SNX6: variants seen among roughly 807,000 people sequenced by gnomAD.
SNX6 encodes the protein sorting nexin 6.
In SNX6, 34 loss-of-function variants were observed where a neutral mutation model predicts 63.0. The ratio of observed to expected loss-of-function variants is 0.54; its 90% CI spans 0.41 to 0.72. SNX6 has a LOEUF of 0.72. Ranked by LOEUF, SNX6 falls within the 30% of genes least tolerant of loss-of-function variation. The pLI is 0.00. For missense variants in SNX6, 398 were observed against 471.4 expected, an observed-to-expected ratio of 0.84 and a Z score of 1.44; for synonymous variants, 170 against 164.2, an observed-to-expected ratio of 1.04 and a Z score of -0.27.
At chr14:34,581,869 C>T (rs528432668) in intron 9 of SNX6, among the ~76,000 whole-genome samples, 20 of 152,098 alleles carry the variant, frequency 1.3e-4, no homozygotes, top group African/African-American at 4.1e-4. Flanking sequence ...ACGCTTGTTG[C>T]GCAGAACGGA....
intron 5 of SNX6, 101 bp from the exon 6 acceptor site, chr14:34,603,572 C>A: frequency 1.1e-6 from 1 of 950,680 alleles, no homozygotes; most frequent in South Asian, 2.3e-5. Flanking sequence ...ATTCCGAATG[C>A]AAATCAGAGA....
chr14:34,611,700 A>C (rs1174856698), intron 2 of SNX6, among the ~76,000 whole-genome samples: 1 of 146,702 alleles, frequency 6.8e-6, no homozygotes, highest in Non-Finnish European at 1.5e-5. Context: ...CGCTGAGCAG[A>C]GATTGTGCCA....
At chr14:34,564,555 C>T (rs1881083511) in intron 13 of SNX6, among the ~76,000 whole-genome samples, 1 of 151,776 alleles carries the variant, frequency 6.6e-6, no homozygotes, top group Non-Finnish European at 1.5e-5. Context: ...TGGCCAGGCG[C>T]GGTGGTTCAC....
chr14:34,566,669 C>T (rs1056908368), intron 13 of SNX6, among the ~76,000 whole-genome samples: 1 of 152,046 alleles, frequency 6.6e-6, no homozygotes, highest in Non-Finnish European at 1.5e-5. Flanking sequence ...CTTTAAAATC[C>T]CTCTCAATTC....
chr14:34,615,843 T>C (rs1470913477), intron 2 of SNX6, among the ~76,000 whole-genome samples: 1 of 152,166 alleles, frequency 6.6e-6, no homozygotes, highest in Non-Finnish European at 1.5e-5. Context: ...GTCCCCAAAA[T>C]AAAATCACCC....
At chr14:34,611,458 T>C (rs1366242133) in intron 2 of SNX6, among the ~76,000 whole-genome samples, 3 of 145,400 alleles carry the variant, frequency 2.1e-5, no homozygotes, top group East Asian at 2.1e-4. Flanking sequence ...GCCTGGGCAA[T>C]AGAGCCAAAC....
At chr14:34,605,426 G>A (rs1186193949) in intron 5 of SNX6, 170 bp downstream of exon 5, 2 of 444,416 alleles carry the variant, frequency 4.5e-6, no homozygotes, top group African/African-American at 4.1e-5. Flanking sequence ...TTTTCCTGTA[G>A]GCTCTGATCA....
chr14:34,619,134 A>T (rs1337002472), intron 2 of SNX6, among the ~76,000 whole-genome samples: 1 of 152,172 alleles, frequency 6.6e-6, no homozygotes, highest in Non-Finnish European at 1.5e-5. Flanking sequence ...TAGAAGTAAA[A>T]TTTGATTGGC....
At position 34,603,422 on chromosome 14, in the gene SNX6, G is replaced by A; in HGVS notation, c.442C>T (p.Leu148=). 1 of 1,608,178 alleles carries A rather than the reference G, an allele frequency of 6.2e-7. No individual in the cohort carries two copies. The highest frequency in any genetic ancestry group is 8.5e-7 in the Non-Finnish European group (1 of 1,176,918). ...KKTVAMHEVF[L]CRVAAHPILR... ...ATAGGATGTGCTGCCACACGACACA[G>A]GAACACTTCATGCATCGCAACTGTC... Residue 148 remains leucine, a synonymous_variant, in exon 6 of 14, where the codon CTG becomes TTG. Transcript: ENST00000362031.
chr14:34,581,860 C>A (rs966619955), intron 9 of SNX6, among the ~76,000 whole-genome samples: 3 of 151,950 alleles, frequency 2.0e-5, no homozygotes, highest in Admixed American at 6.6e-5. Flanking sequence ...TGGAGTTTCA[C>A]GCTTGTTGCG....
intron 13 of SNX6, among the ~76,000 whole-genome samples, chr14:34,563,920 G>A (rs1367747851): frequency 6.6e-6 from 1 of 152,128 alleles, no homozygotes; most frequent in African/African-American, 2.4e-5. Context: ...TGTATTTTTA[G>A]TAGAGACGGG....
At chr14:34,569,104 A>C in intron 11 of SNX6, 1 of 949,324 alleles carries the variant, frequency 1.1e-6, no homozygotes, top group Non-Finnish European at 1.7e-6. Flanking sequence ...CTGCTGGTTC[A>C]CATCTTTTAC....
chr14:34,589,636 G>C (rs926285532), intron 8 of SNX6, among the ~76,000 whole-genome samples: 1 of 151,808 alleles, frequency 6.6e-6, no homozygotes, highest in African/African-American at 2.4e-5. Flanking sequence ...GACCAGCCTG[G>C]GCAATATGGC....
intron 6 of SNX6, among the ~76,000 whole-genome samples, chr14:34,599,545 T>G (rs950674187): frequency 2.6e-5 from 4 of 151,268 alleles, no homozygotes; most frequent in Non-Finnish European, 2.9e-5. Context: ...AGGCAGAGGT[T>G]GCCATGAGCC....
At chr14:34,612,434 T>C (rs1441900485) in intron 2 of SNX6, among the ~76,000 whole-genome samples, 5 of 151,876 alleles carry the variant, frequency 3.3e-5, no homozygotes, top group Admixed American at 6.6e-5. Context: ...TTAAAGGCAA[T>C]CACATCATCT....
intron 4 of SNX6, among the ~76,000 whole-genome samples, chr14:34,606,220 G>A (rs1347554635): frequency 6.9e-6 from 1 of 145,842 alleles, no homozygotes; most frequent in Non-Finnish European, 1.5e-5. Flanking sequence ...TTTTGGAGAC[G>A]GTGTCTTGCT....
chr14:34,597,115 T>C (rs1029499741), intron 7 of SNX6, among the ~76,000 whole-genome samples: 1 of 152,252 alleles, frequency 6.6e-6, no homozygotes, highest in South Asian at 2.1e-4. Flanking sequence ...GGACTTCATG[T>C]GCATGTGGGT....
At chr14:34,590,929 T>C (rs1594719442) in intron 8 of SNX6, among the ~76,000 whole-genome samples, 1 of 152,226 alleles carries the variant, frequency 6.6e-6, no homozygotes, top group South Asian at 2.1e-4. Flanking sequence ...ACAACTTGGA[T>C]GAATCTCAAA....
At chr14:34,592,000 C>T (rs975435753) in intron 8 of SNX6, among the ~76,000 whole-genome samples, 1 of 152,160 alleles carries the variant, frequency 6.6e-6, no homozygotes, top group Non-Finnish European at 1.5e-5. Flanking sequence ...TTTCATCACT[C>T]AGAATATTTA....
Sources: gnomAD v4.1 joint callset for allele counts (sites outside exome capture counted in the v4.1 genomes callset) on GRCh38, gnomAD v4.1.1 for gene constraint, MANE v1.5 for transcripts, NCBI Gene and HGNC (gene_info 2026-07-23, HGNC 2026-07-21) for gene names.